The following MYO5A variants were observed in gnomAD, a reference collection of about 807,000 sequenced individuals.
The protein encoded by MYO5A is unconventional myosin-Va.
In MYO5A, 98 loss-of-function variants were observed where a neutral mutation model predicts 249.7. The observed-to-expected ratio is 0.39, with a 90% CI of 0.33 to 0.46. The LOEUF (loss-of-function observed/expected upper bound fraction) is 0.46, where lower values mean the gene tolerates loss of function less well. MYO5A is among the 20% of genes least tolerant of loss of function. The pLI, the probability that MYO5A is intolerant of heterozygous loss-of-function variation, is 0.98. For synonymous variants in MYO5A, 778 were observed against 810.6 expected (o/e 0.96, Z 0.68); for missense variants, 1,696 against 2,308.8 (o/e 0.73, Z 5.44).
intron 11 of MYO5A, among the ~76,000 whole-genome samples, chr15:52,394,976 G>A (rs530520206): frequency 1.3e-5 from 2 of 152,234 alleles, no homozygotes; most frequent in East Asian, 1.9e-4. Context: ...ATTTCACTGT[G>A]GTAAGAAGCT....
chr15:52,360,153 C>T, intron 24 of MYO5A, 72 bp from the exon 25 acceptor site: 1 of 1,032,896 alleles, frequency 9.7e-7, no homozygotes, highest in South Asian at 1.3e-5. Context: ...CAGCATCCAC[C>T]TTGACTTGGT....
chr15:52,417,628 G>C (rs1420036588), intron 4 of MYO5A, among the ~76,000 whole-genome samples: 1 of 152,168 alleles, frequency 6.6e-6, no homozygotes, highest in African/African-American at 2.4e-5. Flanking sequence ...TTTAAGAGCT[G>C]ATTAGGTCAT....
chr15:52,345,039 T>C (rs925111253), intron 30 of MYO5A, among the ~76,000 whole-genome samples: 1 of 152,190 alleles, frequency 6.6e-6, no homozygotes, highest in Non-Finnish European at 1.5e-5. Context: ...CCCTTGTCCA[T>C]AAAAGAAGAT....
In MYO5A at chr15:52,511,752, G is replaced by A. The variant is rs1298106600; in HGVS notation, c.27+17028C>T. 5.3e-5 allele frequency among the ~76,000 whole-genome samples: 8 copies of A among 152,262 alleles called. No individual in the cohort carries two copies. In the South Asian group the frequency reaches 1.5e-3, roughly 28 times the overall value. ...TTGGAGAACTGCCTTTTAGTAAGCT[G>A]TTGTGCCTGGCATACTCTGAGATCC... On this transcript the variant is annotated intron_variant, in intron 1 of 41. Coordinates refer to ENST00000399233, the MANE Select transcript of MYO5A (RefSeq NM_001382347.1).
Position 52,384,253 on chromosome 15 carries a change from C to T in MYO5A, c.1822G>A (p.Gly608Arg), listed in dbSNP as rs1385083859. The T allele has an allele frequency of 4.3e-6, 7 of 1,614,204 alleles. No homozygotes were observed. Among genetic ancestry groups the T allele is most frequent in the Non-Finnish European group, 5.9e-6 (7 of 1,180,018 alleles). Reference protein sequence around the residue: ...AISPTSATSSGRTPLTRTPAK... With the variant: ...AISPTSATSSRRTPLTRTPAK... ...GGAGTTCGTGTGAGGGGTGTGCGCC[C>T]TGAGGAGGTGGCTGAAGTTGGACTG... is the stretch of plus-strand genomic sequence containing the variant. Residue 608 changes from glycine (G) to arginine (R), a missense_variant, in exon 15 of 42, where the codon GGG becomes AGG. Gly to Arg is a moderately radical substitution (Grantham distance 125, BLOSUM62 -2). This residue lies in a region of MYO5A where 277 missense variants were observed against 422.4 expected (regional missense o/e 0.66). Transcript: ENST00000399233.
Position 52,310,912 on chromosome 15 carries a change from T to C in MYO5A, c.*2784A>G, listed in dbSNP as rs1057008554. ...GTTCCCTGGTTACAAGGTATTCTTG[T>C]CAATGACTAAAAATCTCCAGGCCAC... On this transcript the variant is annotated 3_prime_UTR_variant, in exon 42 of 42. Coordinates refer to ENST00000399233, the MANE Select transcript of MYO5A (RefSeq NM_001382347.1). 4 of 152,320 alleles carry C rather than the reference T, an allele frequency of 2.6e-5. No homozygotes were observed. Among genetic ancestry groups the C allele is most frequent in the Non-Finnish European group, 4.4e-5 (3 of 68,030 alleles). 9.4% of individuals were successfully genotyped at this position (152,320 alleles called of 1,614,324 possible). A position where few individuals can be genotyped will look rare whatever the true frequency, so the allele number is the denominator to read the frequency against.
At chr15:52,502,849 AC>A (rs1211156635) in intron 1 of MYO5A, among the ~76,000 whole-genome samples, 1 of 152,262 alleles carries the variant, frequency 6.6e-6, no homozygotes, top group Non-Finnish European at 1.5e-5. Context: ...AAATTTAAGT[AC>A]AAGTTGAAAT....
intron 1 of MYO5A, among the ~76,000 whole-genome samples, chr15:52,470,254 C>T (rs1020584861): frequency 1.3e-5 from 2 of 152,074 alleles, no homozygotes; most frequent in African/African-American, 2.4e-5. Flanking sequence ...CTGAATTAGA[C>T]GTGCTGTGTT....
At chr15:52,472,926 T>A (rs1309831035) in intron 1 of MYO5A, among the ~76,000 whole-genome samples, 1 of 152,230 alleles carries the variant, frequency 6.6e-6, no homozygotes, top group Non-Finnish European at 1.5e-5. Flanking sequence ...GATGGCTGGG[T>A]CAAATGGTAT....
intron 1 of MYO5A, among the ~76,000 whole-genome samples, chr15:52,487,153 C>T (rs2076838492): frequency 6.6e-6 from 1 of 152,184 alleles, no homozygotes; most frequent in Non-Finnish European, 1.5e-5. Flanking sequence ...CAGCAGCTCA[C>T]TCTTGTAATG....
chr15:52,311,353 T>C lies in MYO5A; in HGVS notation c.*2343A>G, dbSNP rs188158518. ...CTTAGCAACTCCCCAACTTACAGCC[T>C]ATCGGATGCTGTTAGATTCTGACAC... On this transcript the variant is annotated 3_prime_UTR_variant, in exon 42 of 42. Coordinates refer to ENST00000399233, the MANE Select transcript of MYO5A (RefSeq NM_001382347.1). 19 of 152,298 alleles carry C rather than the reference T, an allele frequency of 1.2e-4. No homozygotes were observed. In the East Asian group the frequency reaches 3.3e-3, roughly 26 times the overall value. The allele number at this position is 152,298 out of a possible 1,614,324, so 9.4% of individuals were successfully genotyped here.
chr15:52,349,475 G>T (rs1233638213), intron 28 of MYO5A, among the ~76,000 whole-genome samples: 3 of 152,206 alleles, frequency 2.0e-5, no homozygotes, highest in Non-Finnish European at 4.4e-5. Context: ...AGGTACCTCA[G>T]TTGGACCGGG....
chr15:52,416,530 G>A (rs1264935315), intron 4 of MYO5A, among the ~76,000 whole-genome samples: 1 of 151,888 alleles, frequency 6.6e-6, no homozygotes, highest in Non-Finnish European at 1.5e-5. Context: ...ATGGGGTTGA[G>A]GAGGATATTT....
At position 52,425,853 on chromosome 15, in the gene MYO5A, TTCAGCTACTGCAAAGATA is replaced by T; in HGVS notation, c.414_431del (p.His138_Glu144delinsGln). 1.2e-6 allele frequency: 2 copies of T among 1,614,126 alleles called. No individual in the cohort carries two copies. Among genetic ancestry groups the T allele is most frequent in the Non-Finnish European group, 1.7e-6 (2 of 1,180,018 alleles). On this transcript the variant is annotated inframe_deletion, in exon 4 of 42. Transcript: ENST00000399233. Reference sequence around the variant, plus strand: ...ACCTGGCCATTTGCTTGTAAGCTTCTTCAGCTACTGCAAAGATATGTGGATCCATATCACCCATGTTCT... The same window carrying T: ...ACCTGGCCATTTGCTTGTAAGCTTCTTGTGGATCCATATCACCCATGTTCT...
intron 1 of MYO5A, among the ~76,000 whole-genome samples, chr15:52,477,195 G>T (rs11855454): frequency 0.15 from 22,831 of 152,136 alleles, 1,808 homozygotes; most frequent in Middle Eastern, 0.22. Flanking sequence ...GGCTACTGAA[G>T]CTTGTGCATG....
rs3079001 is a variant in MYO5A, at chr15:52,311,939, A to ATTTGTTATT, written c.*1756_*1757insAATAACAAA. 1 of 152,520 alleles carries ATTTGTTATT rather than the reference A, an allele frequency of 6.6e-6. No homozygotes were observed. The highest frequency in any genetic ancestry group is 1.5e-5 in the Non-Finnish European group (1 of 68,026). The allele number at this position is 152,520 out of a possible 1,614,324, so 9.4% of individuals were successfully genotyped here. A position where few individuals can be genotyped will look rare whatever the true frequency, so the allele number is the denominator to read the frequency against. ...TAAATATTGCACATATTTTAATAAG[A>ATTTGTTATT]TTTATAGACCATCTAACAGTTAAAT... is the stretch of plus-strand genomic sequence containing the variant. On this transcript the variant is annotated 3_prime_UTR_variant, in exon 42 of 42. Coordinates refer to ENST00000399233, the MANE Select transcript of MYO5A (RefSeq NM_001382347.1).
chr15:52,370,886 G>A (rs1204191380), intron 21 of MYO5A, among the ~76,000 whole-genome samples: 1 of 152,136 alleles, frequency 6.6e-6, no homozygotes, highest in African/African-American at 2.4e-5. Context: ...GCCAAGGCAG[G>A]AGGATCACAA....
rs140552912 is a variant in MYO5A at position 52,355,322 on chromosome 15, A to C, written c.3424-1308T>G. Reference sequence around the variant, plus strand: ...CTGTGGATCAAAAATATTCCCCCCCAAAAAAACTCCCAAACAATAAAAATG... The same window carrying C: ...CTGTGGATCAAAAATATTCCCCCCCCAAAAAACTCCCAAACAATAAAAATG... On this transcript the variant is annotated intron_variant, in intron 25 of 41. Coordinates refer to ENST00000399233, the MANE Select transcript of MYO5A (RefSeq NM_001382347.1). 6.1e-3 allele frequency among the ~76,000 whole-genome samples: 930 copies of C among 152,266 alleles called. 10 individuals are homozygous for C. The highest frequency in any genetic ancestry group is 0.021 in the African/African-American group (889 of 41,562).
At chr15:52,495,125 A>G (rs2141555415) in intron 1 of MYO5A, among the ~76,000 whole-genome samples, 1 of 152,334 alleles carries the variant, frequency 6.6e-6, no homozygotes, top group Non-Finnish European at 1.5e-5. Context: ...AAATGGCCAA[A>G]ATTCAACTAT....
Sources: gnomAD v4.1 joint callset for allele counts (sites outside exome capture counted in the v4.1 genomes callset) on GRCh38, gnomAD v4.1.1 for gene constraint, gnomAD v4.1.1 regional missense constraint, MANE v1.5 for transcripts, NCBI Gene and HGNC (gene_info 2026-07-23, HGNC 2026-07-21) for gene names.